KHDRBS2: variants seen among roughly 807,000 people sequenced by gnomAD.
The protein encoded by KHDRBS2 is KH domain-containing, RNA-binding, signal transduction-associated protein 2.
In KHDRBS2, 26 loss-of-function variants were observed where a neutral mutation model predicts 44.3. The ratio of observed to expected loss-of-function variants is 0.59; its 90% CI spans 0.43 to 0.81. The LOEUF (loss-of-function observed/expected upper bound fraction) is 0.81, where lower values mean the gene tolerates loss of function less well. Ranked by LOEUF, KHDRBS2 falls within the 40% of genes least tolerant of loss-of-function variation. The probability of loss-of-function intolerance (pLI) is 0.00; values close to 1 mark genes in which losing one functional copy is unlikely to be tolerated. For missense variants in KHDRBS2, 476 were observed against 433.1 expected (o/e 1.10, Z -0.88); for synonymous variants, 194 against 151.1 (o/e 1.28, Z -2.08).
At chr6:61,827,294 G>A (rs915359520) in intron 6 of KHDRBS2, among the ~76,000 whole-genome samples, 6 of 152,182 alleles carry the variant, frequency 3.9e-5, no homozygotes, top group African/African-American at 7.2e-5. Context: ...GGATGTTAAC[G>A]CAGGCTGCCT....
chr6:61,787,525 C>T (rs1356992799), intron 6 of KHDRBS2, among the ~76,000 whole-genome samples: 2 of 151,682 alleles, frequency 1.3e-5, no homozygotes, highest in South Asian at 2.1e-4. Context: ...CTTACCTATG[C>T]CTTTTATTAA....
intron 1 of KHDRBS2, among the ~76,000 whole-genome samples, chr6:62,270,301 CCTCTCT>C (rs1311838437): frequency 7.5e-6 from 1 of 134,204 alleles, no homozygotes; most frequent in African/African-American, 3.0e-5. Context: ...CTCTCTCTCT[CCTCTCT>C]CTCTCTCTCT....
chr6:62,179,646 T>C (rs998369656), intron 1 of KHDRBS2, among the ~76,000 whole-genome samples: 1 of 151,782 alleles, frequency 6.6e-6, no homozygotes, highest in African/African-American at 2.4e-5. Flanking sequence ...ATAATACATA[T>C]GGCTTCTCCC....
In KHDRBS2 at chr6:61,906,136, G is replaced by A. The variant is rs145492067; in HGVS notation, c.484-4765C>T. 6.6e-5 allele frequency among the ~76,000 whole-genome samples: 10 copies of A among 152,168 alleles called. No individual in the cohort carries two copies. In the East Asian group the frequency reaches 1.4e-3, roughly 21 times the overall value. The stretch of plus-strand genomic sequence containing the variant: ...GCTGGGAATATAGGCGTGAGTCACC[G>A]CGCCTGGCGGAAAACATTTTTTAAA... On this transcript the variant is annotated intron_variant, in intron 4 of 8. Transcript: ENST00000281156.
chr6:62,078,753 T>G (rs370019539), intron 2 of KHDRBS2, among the ~76,000 whole-genome samples: 58 of 152,092 alleles, frequency 3.8e-4, no homozygotes, highest in African/African-American at 1.3e-3. Context: ...GAAAGTACAT[T>G]TAATGTACTT....
chr6:61,557,308 C>A, the KHDRBS2 span, among the ~76,000 whole-genome samples: 16 of 152,168 alleles, frequency 1.1e-4, no homozygotes, highest in African/African-American at 3.9e-4. Context: ...GCATAAAGTT[C>A]CCATCCAATT....
intron 1 of KHDRBS2, among the ~76,000 whole-genome samples, chr6:62,220,059 T>C (rs1324154926): frequency 6.6e-6 from 1 of 151,156 alleles, no homozygotes; most frequent in African/African-American, 2.4e-5. Context: ...AAAAAAGAAA[T>C]TTCTAGGGAG....
chr6:62,190,050 G>C (rs1824275197), intron 1 of KHDRBS2, among the ~76,000 whole-genome samples: 1 of 152,102 alleles, frequency 6.6e-6, no homozygotes, highest in Admixed American at 6.6e-5. Flanking sequence ...ACTGAGCCCA[G>C]TGATACTCTA....
chr6:61,917,320 A>C lies in KHDRBS2; in HGVS notation c.484-15949T>G, dbSNP rs1807199700. The stretch of plus-strand genomic sequence containing the variant: ...AAAGAAATGGAAAAAGCTTAAATGT[A>C]TATTTAAAGCTCAAATGTACTTAAA... On this transcript the variant is annotated intron_variant, in intron 4 of 8. Coordinates refer to ENST00000281156, the MANE Select transcript of KHDRBS2 (RefSeq NM_152688.4). 2.0e-5 allele frequency among the ~76,000 whole-genome samples: 3 copies of C among 151,946 alleles called. No individual in the cohort carries two copies. In the South Asian group the frequency reaches 6.2e-4, roughly 31 times the overall value.
the KHDRBS2 span, among the ~76,000 whole-genome samples, chr6:61,557,121 G>A: frequency 3.4e-4 from 52 of 152,210 alleles, no homozygotes; most frequent in African/African-American, 1.3e-3. Context: ...TGGGACCCCA[G>A]AGATCTGCAG....
chr6:61,553,804 G>A, the KHDRBS2 span, among the ~76,000 whole-genome samples: 1 of 152,064 alleles, frequency 6.6e-6, no homozygotes, highest in East Asian at 1.9e-4. Flanking sequence ...TGTAATTATA[G>A]GTTTCCAGGG....
At chr6:61,547,998 AG>A in the KHDRBS2 span, among the ~76,000 whole-genome samples, 4 of 152,154 alleles carry the variant, frequency 2.6e-5, no homozygotes, top group Non-Finnish European at 5.9e-5. Flanking sequence ...CCAAATCAAC[AG>A]GGAAGAAAAA....
At chr6:61,604,346 G>T in the KHDRBS2 span, among the ~76,000 whole-genome samples, 2 of 143,186 alleles carry the variant, frequency 1.4e-5, no homozygotes, top group South Asian at 4.8e-4. Flanking sequence ...GCTAAGAAAA[G>T]CAACTAGTAT....
In KHDRBS2 at chr6:62,278,339, G is replaced by A. The variant is rs141375895; in HGVS notation, c.91+7519C>T. ...AAACCTCACTTCCTCCCCTTGTACA[G>A]CTGCTGTGGGAACAAACAGCTTCAC... On this transcript the variant is annotated intron_variant, in intron 1 of 8. Coordinates refer to ENST00000281156, the MANE Select transcript of KHDRBS2 (RefSeq NM_152688.4). 7.5e-3 allele frequency among the ~76,000 whole-genome samples: 1,138 copies of A among 152,180 alleles called. 10 individuals are homozygous for A. Among genetic ancestry groups the A allele is most frequent in the Non-Finnish European group, 0.013 (870 of 68,028 alleles).
intron 6 of KHDRBS2, among the ~76,000 whole-genome samples, chr6:61,741,284 T>A (rs149766484): frequency 6.6e-6 from 1 of 151,982 alleles, no homozygotes; most frequent in East Asian, 1.9e-4. Flanking sequence ...TTAAATTACC[T>A]CTAGATAGAG....
intron 8 of KHDRBS2, among the ~76,000 whole-genome samples, chr6:61,683,340 C>A (rs1766502927): frequency 6.6e-6 from 1 of 151,812 alleles, no homozygotes; most frequent in Admixed American, 6.6e-5. Context: ...ATCTCTAGGG[C>A]AGTTAATTGA....
At chr6:61,565,013 C>T in the KHDRBS2 span, among the ~76,000 whole-genome samples, 2 of 151,924 alleles carry the variant, frequency 1.3e-5, no homozygotes. Flanking sequence ...AATAAATTCA[C>T]AGATATACAA....
At chr6:61,719,050 T>C (rs1771912129) in intron 7 of KHDRBS2, among the ~76,000 whole-genome samples, 1 of 152,168 alleles carries the variant, frequency 6.6e-6, no homozygotes, top group Non-Finnish European at 1.5e-5. Context: ...ACATCTTTGC[T>C]CTCCTAGTAC....
intron 6 of KHDRBS2, among the ~76,000 whole-genome samples, chr6:61,774,276 G>C (rs1450057093): frequency 6.6e-6 from 1 of 152,152 alleles, no homozygotes; most frequent in Non-Finnish European, 1.5e-5. Context: ...CTACCCATGA[G>C]CATGGAATGT....
Sources: gnomAD v4.1 joint callset for allele counts (sites outside exome capture counted in the v4.1 genomes callset) on GRCh38, gnomAD v4.1.1 for gene constraint, MANE v1.5 for transcripts, NCBI Gene and HGNC (gene_info 2026-07-23, HGNC 2026-07-21) for gene names.